Variants in CSMD2 observed in about 807,000 individuals in gnomAD.
The protein encoded by CSMD2 is CUB and sushi domain-containing protein 2.
CSMD2 carries 130 observed loss-of-function variants against 398.5 expected under a neutral mutation model. That is an observed-to-expected ratio of 0.33 (90% CI 0.28 to 0.38). The LOEUF (loss-of-function observed/expected upper bound fraction) is 0.38. CSMD2 is among the 10% of genes least tolerant of loss of function. The probability of loss-of-function intolerance (pLI) is 1.00; values close to 1 mark genes in which losing one functional copy is unlikely to be tolerated. For synonymous variants in CSMD2, 1,828 were observed against 1,908.5 expected (o/e 0.96, Z 1.10); for missense variants, 3,829 against 4,764.9 (o/e 0.80, Z 5.78).
chr1:33,668,149 G>A (rs1384537489), intron 25 of CSMD2, among the ~76,000 whole-genome samples: 1 of 152,158 alleles, frequency 6.6e-6, no homozygotes. Context: ...AGGAGAGCAT[G>A]TGCAAAGGTC....
chr1:33,826,371 T>C (rs1238336587), intron 6 of CSMD2, among the ~76,000 whole-genome samples: 2 of 152,204 alleles, frequency 1.3e-5, no homozygotes, highest in African/African-American at 2.4e-5. Flanking sequence ...TTGGAGGCCT[T>C]GATGTGTTCA....
chr1:34,065,114 T>C (rs1216390571), intron 2 of CSMD2, among the ~76,000 whole-genome samples: 1 of 152,182 alleles, frequency 6.6e-6, no homozygotes, highest in Non-Finnish European at 1.5e-5. Context: ...GGAGGCTTCC[T>C]GAAAGCTCTT....
chr1:33,589,097 G>A (rs1035388380), intron 44 of CSMD2, among the ~76,000 whole-genome samples: 2 of 152,194 alleles, frequency 1.3e-5, no homozygotes, highest in South Asian at 2.1e-4. Context: ...TGAGAGATAC[G>A]TAAGCTCTAT....
At chr1:33,953,837 A>G (rs1334952465) in intron 3 of CSMD2, among the ~76,000 whole-genome samples, 1 of 152,134 alleles carries the variant, frequency 6.6e-6, no homozygotes, top group Admixed American at 6.5e-5. Flanking sequence ...GCCAGCTATG[A>G]GCATGTCCAA....
chr1:33,864,818 C>CTAAT, intron 5 of CSMD2: 1 of 1,363,838 alleles, frequency 7.3e-7, no homozygotes, highest in East Asian at 2.4e-5. Flanking sequence ...TCATGTGTGG[C>CTAAT]ATTAGAGTAG....
chr1:34,086,018 T>C (rs1164101020), intron 2 of CSMD2, among the ~76,000 whole-genome samples: 1 of 117,616 alleles, frequency 8.5e-6, no homozygotes, highest in Non-Finnish European at 1.8e-5. Flanking sequence ...TTAAGTTTCC[T>C]GGAAAAAAAA....
At chr1:33,545,994 G>A (rs764174036) in intron 57 of CSMD2, 43 bp downstream of exon 57, 1 of 1,570,150 alleles carries the variant, frequency 6.4e-7, no homozygotes, top group Non-Finnish European at 8.7e-7. Context: ...GGCGAGCTCT[G>A]GGGCTGGGCA....
chr1:33,864,626 A>T, intron 5 of CSMD2: 9 of 1,613,962 alleles, frequency 5.6e-6, no homozygotes, highest in Non-Finnish European at 7.6e-6. Flanking sequence ...ATGAGCAAAG[A>T]GTGGCTCTCC....
intron 4 of CSMD2, among the ~76,000 whole-genome samples, chr1:33,930,413 T>G (rs186644481): frequency 6.6e-6 from 1 of 152,158 alleles, no homozygotes; most frequent in African/African-American, 2.4e-5. Context: ...GCAGGTTTCT[T>G]CCCCTGGGGC....
chr1:33,694,922 T>C (rs1557743369), intron 24 of CSMD2, among the ~76,000 whole-genome samples: 1 of 152,188 alleles, frequency 6.6e-6, no homozygotes, highest in African/African-American at 2.4e-5. Context: ...AACAGGATAC[T>C]GCCCTCCCCT....
At chr1:33,570,166 C>CTTTTTTTTTTTT (rs5773416) in intron 51 of CSMD2, among the ~76,000 whole-genome samples, 8 of 117,292 alleles carry the variant, frequency 6.8e-5, no homozygotes, top group Non-Finnish European at 1.2e-4. Context: ...CGGACATTGG[C>CTTTTTTTTTTTT]TTTTTTTTTT....
chr1:33,657,348 C>A (rs1274221552), intron 27 of CSMD2, among the ~76,000 whole-genome samples: 2 of 152,160 alleles, frequency 1.3e-5, no homozygotes, highest in Non-Finnish European at 2.9e-5. Context: ...GTGGCACAGG[C>A]CTGCAAGCCC....
intron 1 of CSMD2, among the ~76,000 whole-genome samples, chr1:34,126,767 G>A (rs1203601787): frequency 6.8e-6 from 1 of 147,558 alleles, no homozygotes; most frequent in South Asian, 2.2e-4. Context: ...GGAAGGAAAC[G>A]GAGGCAAGGA....
At chr1:33,567,556 G>C in intron 53 of CSMD2, 37 bp downstream of exon 53, 1 of 1,607,444 alleles carries the variant, frequency 6.2e-7, no homozygotes, top group Non-Finnish European at 8.5e-7. Flanking sequence ...TGTTGAATCT[G>C]AGCCCCATGA....
intron 2 of CSMD2, among the ~76,000 whole-genome samples, chr1:34,088,315 C>T (rs1658152765): frequency 6.6e-6 from 1 of 152,180 alleles, no homozygotes. Flanking sequence ...CTCCGGGTCA[C>T]CTAGAGAGTT....
At chr1:33,777,322 G>A (rs1036699767) in intron 12 of CSMD2, among the ~76,000 whole-genome samples, 1 of 152,154 alleles carries the variant, frequency 6.6e-6, no homozygotes, top group Non-Finnish European at 1.5e-5. Context: ...AGCAGGGTGG[G>A]GTGAGAGTTT....
chr1:33,707,695 G>GCA (rs200504764), intron 22 of CSMD2, among the ~76,000 whole-genome samples: 3,397 of 91,898 alleles, frequency 0.037, 61 homozygotes, highest in Non-Finnish European at 0.045. Flanking sequence ...GCGCGCGCGC[G>GCA]CACACACACA....
chr1:33,585,022 A>T (rs1638981187), intron 46 of CSMD2, among the ~76,000 whole-genome samples: 1 of 152,108 alleles, frequency 6.6e-6, no homozygotes, highest in Admixed American at 6.5e-5. Flanking sequence ...CACAGCATGA[A>T]AGCAATTTCA....
chr1:33,633,559 G>A lies in CSMD2; in HGVS notation c.5087-24C>T, dbSNP rs187284709. The A allele has an allele frequency of 2.6e-4, 387 of 1,517,534 alleles. No homozygotes were observed. The highest frequency in any genetic ancestry group is 3.3e-4 in the Non-Finnish European group (364 of 1,115,906). 94.0% of individuals were successfully genotyped at this position (1,517,534 alleles called of 1,614,324 possible). ...CACTGTGGAGGAGACACAGTGTGGG[G>A]ACTGGGCAGGCACGCTGGGGGCAGG... On this transcript the variant is annotated intron_variant, in intron 31 of 70. Coordinates refer to ENST00000373381, the MANE Select transcript of CSMD2 (RefSeq NM_001281956.2). This position sits in a 1 kb window ranked among gnomAD's most constrained non-coding sequence, Gnocchi z 5.0.
Sources: gnomAD v4.1 joint callset for allele counts (sites outside exome capture counted in the v4.1 genomes callset) on GRCh38, gnomAD v4.1.1 for gene constraint, Gnocchi (gnomAD v3.1) non-coding constraint, MANE v1.5 for transcripts, NCBI Gene and HGNC (gene_info 2026-07-23, HGNC 2026-07-21) for gene names.